Variants in MYO9A observed in about 807,000 individuals in gnomAD.
The protein encoded by MYO9A is unconventional myosin-IXa.
A neutral mutation model predicts 293.3 loss-of-function variants in MYO9A; 103 were observed. The observed-to-expected ratio is 0.35, with a 90% CI of 0.30 to 0.41. The LOEUF is 0.41. MYO9A is among the 10% of genes least tolerant of loss of function. The probability of loss-of-function intolerance (pLI) is 1.00; values close to 1 mark genes in which losing one functional copy is unlikely to be tolerated. For missense variants in MYO9A, 2,685 were observed against 3,033.0 expected, an observed-to-expected ratio of 0.89 and a Z score of 2.69; for synonymous variants, 1,001 against 1,035.7, an observed-to-expected ratio of 0.97 and a Z score of 0.64.
chr15:71,860,969 C>CAAAAAAAAAAAAA (rs61030744), intron 33 of MYO9A, among the ~76,000 whole-genome samples: 399 of 32,410 alleles, frequency 0.012, 26 homozygotes, highest in Non-Finnish European at 0.014. Context: ...TCCATCTCAC[C>CAAAAAAAAAAAAA]AAAAAAAAAA....
chr15:72,118,289 A>G (rs2081083173), upstream of MYO9A: 1 of 278,026 alleles, frequency 3.6e-6, no homozygotes. Context: ...CCCCGCCCAA[A>G]TTTTTTCTTC....
At chr15:72,019,835 T>G (rs2077449836) in intron 5 of MYO9A, among the ~76,000 whole-genome samples, 1 of 152,200 alleles carries the variant, frequency 6.6e-6, no homozygotes, top group Non-Finnish European at 1.5e-5. Context: ...CTGCAACCTC[T>G]GCCTCCCGGG....
intron 1 of MYO9A, among the ~76,000 whole-genome samples, chr15:72,049,415 T>C (rs892131490): frequency 1.3e-5 from 2 of 152,222 alleles, no homozygotes; most frequent in Non-Finnish European, 2.9e-5. Context: ...CCTAAGTGTT[T>C]GCTTCATATA....
chr15:71,938,642 T>C, intron 16 of MYO9A: 1 of 393,944 alleles, frequency 2.5e-6, no homozygotes, highest in Non-Finnish European at 4.4e-6. Flanking sequence ...TTTTTCAAAA[T>C]TGTAAAGCCA....
At chr15:72,052,979 C>G (rs1161711482) in intron 1 of MYO9A, among the ~76,000 whole-genome samples, 2 of 152,298 alleles carry the variant, frequency 1.3e-5, no homozygotes, top group East Asian at 1.9e-4. Context: ...AGTATCACCC[C>G]AAGAAGTATC....
Position 71,848,952 on chromosome 15 carries a change from C to T in MYO9A, c.6730G>A (p.Val2244Ile). Reference protein sequence around the residue: ...SKTTTCVELIVVEQMNKYKAR... With the variant: ...SKTTTCVELIIVEQMNKYKAR... ...TTGTATTTATTCATTTGTTCCACAA[C>T]AATCAGTTCCACACAACTGAAACAG... The change falls in exon 39 of 42, where the codon GTT (valine) becomes ATT (isoleucine). Residue 2244 changes from valine (V) to isoleucine (I), a missense_variant. By Grantham distance (29) the Val-to-Ile change is conservative. Coordinates refer to ENST00000356056, the MANE Select transcript of MYO9A (RefSeq NM_006901.4). 3.7e-6 allele frequency: 6 copies of T among 1,603,206 alleles called. No homozygotes were observed. Among genetic ancestry groups the T allele is most frequent in the Non-Finnish European group, 5.1e-6 (6 of 1,177,146 alleles).
intron 18 of MYO9A, among the ~76,000 whole-genome samples, chr15:71,925,863 A>C (rs2058299328): frequency 6.6e-6 from 1 of 152,202 alleles, no homozygotes; most frequent in Admixed American, 6.5e-5. Flanking sequence ...AATTACCTCT[A>C]ACAGTTCTAA....
intron 4 of MYO9A, among the ~76,000 whole-genome samples, chr15:72,024,541 G>A (rs1228890317): frequency 6.6e-6 from 1 of 152,184 alleles, no homozygotes; most frequent in Non-Finnish European, 1.5e-5. Context: ...CCAAAGTGCT[G>A]GGATTACAGG....
chr15:71,887,174 C>T (rs2057045662), intron 27 of MYO9A, among the ~76,000 whole-genome samples: 1 of 152,124 alleles, frequency 6.6e-6, no homozygotes, highest in Non-Finnish European at 1.5e-5. Flanking sequence ...TATTTTCAAT[C>T]TTATTTAGTC....
intron 15 of MYO9A, among the ~76,000 whole-genome samples, chr15:71,951,488 T>A (rs537103429): frequency 2.0e-5 from 3 of 152,138 alleles, no homozygotes; most frequent in Admixed American, 6.5e-5. Flanking sequence ...TTCCTATCCA[T>A]CACTTGGCTA....
intron 15 of MYO9A, 143 bp downstream of exon 15, chr15:71,951,634 A>C (rs2059053161): frequency 5.8e-6 from 5 of 867,518 alleles, no homozygotes; most frequent in Non-Finnish European, 8.7e-6. Context: ...CTAAAGACTC[A>C]ATAGAAATAT....
Position 72,037,877 on chromosome 15 carries a change from C to T in MYO9A, c.841-5289G>A, listed in dbSNP as rs139087924. Reference sequence around the variant, plus strand: ...AAACAGCAACCGTTCCTGATAATGCCCAGATGCTGGACTTACTAGGCAAAG... The same window carrying T: ...AAACAGCAACCGTTCCTGATAATGCTCAGATGCTGGACTTACTAGGCAAAG... On this transcript the variant is annotated intron_variant, in intron 2 of 41. Transcript: ENST00000356056. 7.6e-3 allele frequency among the ~76,000 whole-genome samples: 1,146 copies of T among 151,304 alleles called. 8 individuals are homozygous for T. The highest frequency in any genetic ancestry group is 0.013 in the Non-Finnish European group (861 of 67,902).
intron 1 of MYO9A, among the ~76,000 whole-genome samples, chr15:72,091,242 T>C (rs2079899268): frequency 6.6e-6 from 1 of 151,928 alleles, no homozygotes; most frequent in African/African-American, 2.4e-5. Context: ...TAATCATTGA[T>C]ACAAATAGTT....
At chr15:71,977,443 G>T (rs1213989755) in intron 12 of MYO9A, among the ~76,000 whole-genome samples, 1 of 152,072 alleles carries the variant, frequency 6.6e-6, no homozygotes, top group Non-Finnish European at 1.5e-5. Flanking sequence ...CACCATGTTG[G>T]CCAGGCTGGT....
At chr15:71,942,783 T>C (rs1057421837) in intron 15 of MYO9A, among the ~76,000 whole-genome samples, 70 of 152,166 alleles carry the variant, frequency 4.6e-4, no homozygotes, top group African/African-American at 1.6e-3. Flanking sequence ...ACCTTGTTTC[T>C]TTTCCTTCAT....
chr15:71,872,300 C>A (rs2056539177), intron 32 of MYO9A, among the ~76,000 whole-genome samples: 1 of 152,026 alleles, frequency 6.6e-6, no homozygotes, highest in Non-Finnish European at 1.5e-5. Context: ...ATAATATGGC[C>A]TTGCTCTATG....
At chr15:71,864,352 A>G (rs1403100148) in intron 32 of MYO9A, among the ~76,000 whole-genome samples, 1 of 152,208 alleles carries the variant, frequency 6.6e-6, no homozygotes, top group Admixed American at 6.5e-5. Flanking sequence ...AAGAATGTGG[A>G]TAGACTAGAA....
intron 15 of MYO9A, among the ~76,000 whole-genome samples, chr15:71,951,459 G>A (rs528872130): frequency 7.2e-4 from 109 of 151,100 alleles, no homozygotes; most frequent in Middle Eastern, 3.4e-3. Context: ...TTTATGAGCA[G>A]GAAAGAAAAC....
intron 18 of MYO9A, among the ~76,000 whole-genome samples, chr15:71,926,176 G>A (rs985039146): frequency 2.6e-5 from 4 of 152,130 alleles, no homozygotes; most frequent in Non-Finnish European, 4.4e-5. Flanking sequence ...CTTAGGCTAC[G>A]GGTGTTTACA....
Sources: gnomAD v4.1 joint callset for allele counts (sites outside exome capture counted in the v4.1 genomes callset) on GRCh38, gnomAD v4.1.1 for gene constraint, MANE v1.5 for transcripts, NCBI Gene and HGNC (gene_info 2026-07-23, HGNC 2026-07-21) for gene names.